Variants in ATP1A3 observed in about 807,000 individuals in gnomAD.
The protein encoded by ATP1A3 is sodium/potassium-transporting ATPase subunit alpha-3.
ATP1A3 carries 12 observed loss-of-function variants against 108.8 expected under a neutral mutation model. The ratio of observed to expected loss-of-function variants is 0.11; its 90% confidence interval spans 0.07 to 0.18. The LOEUF is 0.18. Among genes scored for constraint, ATP1A3 ranks in the 10% least tolerant of loss-of-function variants. The pLI is 1.00. For synonymous variants in ATP1A3, 539 were observed against 564.5 expected, an observed-to-expected ratio of 0.95 and a Z score of 0.64; for missense variants, 498 against 1,387.7, an observed-to-expected ratio of 0.36 and a Z score of 10.19.
At chr19:41,993,501 GCACACACACACACACACACACACA>G (rs4060828) in intron 1 of ATP1A3, 69 of 678,384 alleles carry the variant, frequency 1.0e-4, no homozygotes, top group African/African-American at 6.6e-4. Flanking sequence ...TGCGGAGCCT[GCACACACACACACACACACACACA>G]CACACACACA....
Position 41,985,520 on chromosome 19 carries a change from G to T in ATP1A3, c.607-97C>A. 1 of 1,247,546 alleles carries T rather than the reference G, an allele frequency of 8.0e-7. No homozygotes were observed. The highest frequency in any genetic ancestry group is 1.2e-6 in the Non-Finnish European group (1 of 852,400). The allele number at this position is 1,247,546 out of a possible 1,614,324, so 77.3% of individuals were successfully genotyped here. On this transcript the variant is annotated intron_variant, in intron 6 of 22. Coordinates refer to ENST00000648268, the MANE Select transcript of ATP1A3 (RefSeq NM_152296.5). The surrounding 1 kb of genome is among the most constrained non-coding windows in gnomAD (Gnocchi z 8.2). ...TGGGGCTGAAGCCTGTGTGCCTGGA[G>T]ATCACAGCTAGAAGCCTGGGTGCCC...
At chr19:41,993,942 G>C (rs1255223646) in intron 1 of ATP1A3, 129 bp downstream of exon 1, 4 of 1,516,900 alleles carry the variant, frequency 2.6e-6, no homozygotes, top group Admixed American at 4.0e-5. Flanking sequence ...TGGGTCAGCC[G>C]GCTCCCCGGG....
intron 8 of ATP1A3, 68 bp from the exon 9 acceptor site, chr19:41,982,174 G>T (rs1168411680): frequency 6.2e-7 from 1 of 1,611,686 alleles, no homozygotes. Context: ...TGAGCGACAC[G>T]AGGGCCACAG....
chr19:41,985,518 G>T lies in ATP1A3; in HGVS notation c.607-95C>A. The T allele has an allele frequency of 8.0e-7, 1 of 1,256,560 alleles. No homozygotes were observed. The highest frequency in any genetic ancestry group is 1.2e-6 in the Non-Finnish European group (1 of 859,956). 77.8% of individuals were successfully genotyped at this position (1,256,560 alleles called of 1,614,324 possible). A position where few individuals can be genotyped will look rare whatever the true frequency, so the allele number is the denominator to read the frequency against. On this transcript the variant is annotated intron_variant, in intron 6 of 22. Coordinates refer to ENST00000648268, the MANE Select transcript of ATP1A3 (RefSeq NM_152296.5). The surrounding 1 kb of genome is among the most constrained non-coding windows in gnomAD (Gnocchi z 8.2). ...CTTGGGGCTGAAGCCTGTGTGCCTG[G>T]AGATCACAGCTAGAAGCCTGGGTGC... is the stretch of plus-strand genomic sequence containing the variant.
intron 18 of ATP1A3, 77 bp from the exon 19 acceptor site, chr19:41,969,657 C>T (rs1170715817): frequency 2.6e-5 from 41 of 1,578,932 alleles, no homozygotes; most frequent in Middle Eastern, 1.7e-4. Flanking sequence ...TCAGAGGGCC[C>T]GGAGGCCTCC....
Position 41,988,717 on chromosome 19 carries a change from C to T in ATP1A3, c.7-155G>A. The T allele has an allele frequency of 2.0e-6, 3 of 1,483,674 alleles. No homozygotes were observed. Among genetic ancestry groups the T allele is most frequent in the Non-Finnish European group, 2.7e-6 (3 of 1,112,200 alleles). The allele number at this position is 1,483,674 out of a possible 1,614,324, so 91.9% of individuals were successfully genotyped here. On this transcript the variant is annotated intron_variant, in intron 1 of 22. Coordinates refer to ENST00000648268, the MANE Select transcript of ATP1A3 (RefSeq NM_152296.5). This position sits in a 1 kb window ranked among gnomAD's most constrained non-coding sequence, Gnocchi z 5.3. Reference sequence around the variant, plus strand: ...TCTCTGTCTGCCTCTCGGGGTCTCCCTGTGTCTCCCGGAGCCTCTGGGTGA... The same window carrying T: ...TCTCTGTCTGCCTCTCGGGGTCTCCTTGTGTCTCCCGGAGCCTCTGGGTGA...
rs79365977 is a variant in ATP1A3, at chr19:41,969,400, C to A, written c.2688+35G>T. 4 of 1,613,982 alleles carry A rather than the reference C, an allele frequency of 2.5e-6. No individual in the cohort carries two copies. The African/African-American group carries it at 4.0e-5, about 16-fold the overall frequency. On this transcript the variant is annotated intron_variant, in intron 19 of 22. Transcript: ENST00000648268. ...GGAACAGCTCACCCCGGGGATCTTACGGTGGGCAGAGACACAGCACCCTGC... is the reference window on the plus strand; with the variant it reads ...GGAACAGCTCACCCCGGGGATCTTAAGGTGGGCAGAGACACAGCACCCTGC...
At chr19:41,989,975 T>C (rs1301490302) in intron 1 of ATP1A3, among the ~76,000 whole-genome samples, 2 of 152,170 alleles carry the variant, frequency 1.3e-5, no homozygotes, top group African/African-American at 4.8e-5. Flanking sequence ...TCTGTCTCCA[T>C]CTCTTGGCTG....
intron 8 of ATP1A3, among the ~76,000 whole-genome samples, chr19:41,983,425 G>A (rs570518518): frequency 6.6e-6 from 1 of 152,024 alleles, no homozygotes; most frequent in South Asian, 2.1e-4. Context: ...GAATGAAAGA[G>A]GAGAATGGTA....
chr19:41,967,349 G>C lies in ATP1A3; in HGVS notation c.2922-9C>G. 6.2e-7 allele frequency: 1 copy of C among 1,605,184 alleles called. No homozygotes were observed. The highest frequency in any genetic ancestry group is 8.5e-7 in the Non-Finnish European group (1 of 1,179,854). On this transcript the variant is annotated splice_polypyrimidine_tract_variant and intron_variant, in intron 21 of 22. Coordinates refer to ENST00000648268, the MANE Select transcript of ATP1A3 (RefSeq NM_152296.5). The surrounding 1 kb of genome is among the most constrained non-coding windows in gnomAD (Gnocchi z 4.2). ...AGAACCACCAGCTGGGCCTGCAGAG[G>C]GGAGAGCAGGAGGGCTTGAGTGCGG...
Position 41,981,551 on chromosome 19 carries a change from C to T in ATP1A3, c.1388G>A (p.Arg463His), listed in dbSNP as rs782499746. The T allele has an allele frequency of 3.0e-5, 48 of 1,614,044 alleles. No individual in the cohort carries two copies. Among genetic ancestry groups the T allele is most frequent in the Non-Finnish European group, 3.6e-5 (42 of 1,180,038 alleles). ...SSGSVKLMRERNKKVAEIPFN... is the reference protein window; with the variant it reads ...SSGSVKLMREHNKKVAEIPFN... ...GGGAATCTCAGCCACTTTCTTGTTGCGTTCACGCATCAGCTTCACGGAGCC... is the reference window on the plus strand; with the variant it reads ...GGGAATCTCAGCCACTTTCTTGTTGTGTTCACGCATCAGCTTCACGGAGCC... The change falls in exon 11 of 23, where the codon CGC becomes CAC. Residue 463 changes from arginine (R) to histidine (H), a missense_variant. Physicochemically the swap from Arg to His is conservative, Grantham distance 29 (BLOSUM62 0). Coordinates refer to ENST00000648268, the MANE Select transcript of ATP1A3 (RefSeq NM_152296.5). This position sits in a 1 kb window ranked among gnomAD's most constrained non-coding sequence, Gnocchi z 5.0.
At position 41,993,427 on chromosome 19, in the gene ATP1A3, C is replaced by T. The variant is rs1363862715; in HGVS notation, c.6+644G>A. On this transcript the variant is annotated intron_variant, in intron 1 of 22. Coordinates refer to ENST00000648268, the MANE Select transcript of ATP1A3 (RefSeq NM_152296.5). ...CCTGTTCCTCTCCTCCTCCCAGCCT[C>T]CCATGCCTGCTCCCCTACATGAGGG... is the stretch of plus-strand genomic sequence containing the variant. 2.8e-5 allele frequency: 43 copies of T among 1,535,646 alleles called. No individual in the cohort carries two copies. The highest frequency in any genetic ancestry group is 3.6e-5 in the Non-Finnish European group (41 of 1,146,976).
intron 15 of ATP1A3, 62 bp downstream of exon 15, chr19:41,976,354 C>T (rs530391761): frequency 1.8e-5 from 29 of 1,604,002 alleles, no homozygotes; most frequent in South Asian, 1.2e-4. Context: ...AACCAGGCCC[C>T]GGCCTCAGTG....
At position 41,976,651 on chromosome 19, in the gene ATP1A3, G is replaced by A. The variant is rs1259191125; in HGVS notation, c.1944-85C>T. The A allele has an allele frequency of 2.7e-5, 42 of 1,583,164 alleles. No individual in the cohort carries two copies. The Middle Eastern group carries it at 5.1e-4, about 19-fold the overall frequency. On this transcript the variant is annotated intron_variant, in intron 14 of 22. Transcript: ENST00000648268. ...TCCCTGAAAGACAGAGAAACAGAGGGGCCAGCCCCACAACCAGGAGAGCCA... is the reference window on the plus strand; with the variant it reads ...TCCCTGAAAGACAGAGAAACAGAGGAGCCAGCCCCACAACCAGGAGAGCCA...
Position 41,985,735 on chromosome 19 carries a change from G to T in ATP1A3, c.606+129C>A. The T allele has an allele frequency of 1.4e-6, 2 of 1,391,670 alleles. No individual in the cohort carries two copies. The highest frequency in any genetic ancestry group is 1.9e-6 in the Non-Finnish European group (2 of 1,028,984). The allele number at this position is 1,391,670 out of a possible 1,614,324, so 86.2% of individuals were successfully genotyped here. On this transcript the variant is annotated intron_variant, in intron 6 of 22. Transcript: ENST00000648268. The surrounding 1 kb of genome is among the most constrained non-coding windows in gnomAD (Gnocchi z 8.2). ...GGGTCTGAGGGAGGAGGGCCTGGGG[G>T]CCTGGACTCCTGGGTCTGAGGGAGG...
At chr19:41,970,612 C>T in intron 16 of ATP1A3, 70 bp from the exon 17 acceptor site, 13 of 1,518,118 alleles carry the variant, frequency 8.6e-6, no homozygotes, top group Non-Finnish European at 1.2e-5. Context: ...CCTCCTCTGC[C>T]CTCATCCAAC....
At chr19:41,969,293 G>A in intron 19 of ATP1A3, 142 bp downstream of exon 19, 2 of 1,415,402 alleles carry the variant, frequency 1.4e-6, no homozygotes, top group South Asian at 2.3e-5. Context: ...GGGCATCCAG[G>A]AAGCCCCAGG....
chr19:41,993,212 A>G, intron 1 of ATP1A3: 1 of 259,110 alleles, frequency 3.9e-6, no homozygotes, highest in Non-Finnish European at 8.0e-6. Flanking sequence ...ACACACAGGG[A>G]GGAATCCAGG....
chr19:41,967,794 A>G lies in ATP1A3; in HGVS notation c.2820-31T>C. The G allele has an allele frequency of 1.2e-6, 2 of 1,605,060 alleles. No individual in the cohort carries two copies. The highest frequency in any genetic ancestry group is 2.2e-5 in the East Asian group (1 of 44,694). ...GGCACAGAAGGGCAGGGCTGGGCCC[A>G]GAGAGCACCCACCCTGCACCTGCCA... On this transcript the variant is annotated intron_variant, in intron 20 of 22. Transcript: ENST00000648268. This position sits in a 1 kb window ranked among gnomAD's most constrained non-coding sequence, Gnocchi z 4.2.
Sources: gnomAD v4.1 joint callset for allele counts (sites outside exome capture counted in the v4.1 genomes callset) on GRCh38, gnomAD v4.1.1 for gene constraint, Gnocchi (gnomAD v3.1) non-coding constraint, MANE v1.5 for transcripts, NCBI Gene and HGNC (gene_info 2026-07-23, HGNC 2026-07-21) for gene names.